Variants in ZNF609 observed in about 807,000 individuals in gnomAD.
The protein encoded by ZNF609 is zinc finger protein 609.
ZNF609 carries 11 observed loss-of-function variants against 109.5 expected under a neutral mutation model. That is an observed-to-expected ratio of 0.10 (90% CI 0.06 to 0.17). The LOEUF is 0.17. Among genes scored for constraint, ZNF609 ranks in the 10% least tolerant of loss-of-function variants. ZNF609 has a pLI of 1.00. For missense variants in ZNF609, 1,559 were observed against 1,772.4 expected (o/e 0.88, Z 2.16); for synonymous variants, 646 against 662.0 (o/e 0.98, Z 0.37).
chr15:64,631,426 C>G, intron 3 of ZNF609: 2 of 732,870 alleles, frequency 2.7e-6, no homozygotes, highest in Non-Finnish European at 5.0e-6. Context: ...CGTGGTAACA[C>G]TTGTGGGGCA....
intron 2 of ZNF609, among the ~76,000 whole-genome samples, chr15:64,514,194 T>C (rs938685601): frequency 1.3e-5 from 2 of 152,046 alleles, no homozygotes; most frequent in Non-Finnish European, 2.9e-5. Flanking sequence ...TTCAAATTGG[T>C]TTTTGTTCCT....
intron 2 of ZNF609, among the ~76,000 whole-genome samples, chr15:64,545,371 G>C (rs1249334233): frequency 6.6e-6 from 1 of 152,004 alleles, no homozygotes; most frequent in Admixed American, 6.6e-5. Flanking sequence ...GCTAATGTTT[G>C]TACTTTTTGT....
intron 1 of ZNF609, among the ~76,000 whole-genome samples, 171 bp downstream of exon 1, chr15:64,461,009 G>C (rs1892931532): frequency 8.4e-6 from 1 of 119,414 alleles, no homozygotes; most frequent in Non-Finnish European, 1.8e-5. Flanking sequence ...TGTGTAGGGG[G>C]GGTCGTTGCG....
chr15:64,527,421 A>C (rs1008736888), intron 2 of ZNF609, among the ~76,000 whole-genome samples: 1 of 151,392 alleles, frequency 6.6e-6, no homozygotes, highest in African/African-American at 2.4e-5. Flanking sequence ...TGTTAAGACC[A>C]GCCTTACACA....
In ZNF609 at chr15:64,576,906, ATGTATATATACATATATG is replaced by A. The variant is rs1187590965; in HGVS notation, c.748-45904_748-45887del. ...TACACATATAAATATATACATATAT[ATGTATATATACATATATG>A]TGTATATATACATATAAATATATAC... On this transcript the variant is annotated intron_variant, in intron 2 of 9. Transcript: ENST00000326648. Among the ~76,000 whole-genome samples the A allele has an allele frequency of 4.8e-4, 63 of 132,034 alleles. 1 individual carries two copies. The highest frequency in any genetic ancestry group is 1.4e-3 in the African/African-American group (55 of 38,160). 86.6% of individuals were successfully genotyped at this position (132,034 alleles called of 152,430 possible).
At chr15:64,536,436 C>T (rs906923020) in intron 2 of ZNF609, among the ~76,000 whole-genome samples, 6 of 152,280 alleles carry the variant, frequency 3.9e-5, no homozygotes, top group Non-Finnish European at 7.3e-5. Flanking sequence ...CCACTACTAA[C>T]CTTTCATCTT....
intron 2 of ZNF609, among the ~76,000 whole-genome samples, chr15:64,507,654 G>A (rs986416744): frequency 1.3e-5 from 2 of 152,144 alleles, no homozygotes; most frequent in Non-Finnish European, 2.9e-5. Flanking sequence ...AAAACCATGG[G>A]GTTAGGCTTT....
chr15:64,638,383 G>T (rs1896208913), intron 3 of ZNF609, among the ~76,000 whole-genome samples: 1 of 151,218 alleles, frequency 6.6e-6, no homozygotes, highest in African/African-American at 2.4e-5. Context: ...GGCTTTACTT[G>T]GCCTTTTGCA....
Position 64,651,036 on chromosome 15 carries a change from AAT to A in ZNF609, c.974-19308_974-19307del, listed in dbSNP as rs553785648. ...TGGAAATAGGAAGGATTTTTTTAGT[AAT>A]AGTTTTGAGGCAACTTTGTGAGGAG... On this transcript the variant is annotated intron_variant, in intron 3 of 9. Coordinates refer to ENST00000326648, the MANE Select transcript of ZNF609 (RefSeq NM_015042.2). Among the ~76,000 whole-genome samples, 11 of 152,266 alleles carry A rather than the reference AAT, an allele frequency of 7.2e-5. No individual in the cohort carries two copies. In the South Asian group the frequency reaches 2.3e-3, roughly 32 times the overall value.
At chr15:64,490,235 G>T (rs2140343813) in intron 1 of ZNF609, among the ~76,000 whole-genome samples, 1 of 150,138 alleles carries the variant, frequency 6.7e-6, no homozygotes, top group Admixed American at 6.6e-5. Context: ...AGTACTGGGA[G>T]TACAAAGGCA....
At chr15:64,656,548 A>G (rs937614339) in intron 3 of ZNF609, among the ~76,000 whole-genome samples, 4 of 152,152 alleles carry the variant, frequency 2.6e-5, no homozygotes, top group South Asian at 2.1e-4. Context: ...GCTTATCCCA[A>G]ATCCATTTAG....
In ZNF609 at chr15:64,685,682, C is replaced by T. The variant is rs1316098874; in HGVS notation, c.*3996C>T. 1 of 152,634 alleles carries T rather than the reference C, an allele frequency of 6.6e-6. No homozygotes were observed. The highest frequency in any genetic ancestry group is 1.5e-5 in the Non-Finnish European group (1 of 68,066). The allele number at this position is 152,634 out of a possible 1,614,324, so 9.5% of individuals were successfully genotyped here. On this transcript the variant is annotated 3_prime_UTR_variant, in exon 10 of 10. Coordinates refer to ENST00000326648, the MANE Select transcript of ZNF609 (RefSeq NM_015042.2). ...GCCTAAGAGTTTGCACTATTTAAAC[C>T]TGCCTGGGAGTTAGGACGGATGGTT... is the stretch of plus-strand genomic sequence containing the variant.
chr15:64,627,955 C>T (rs538917028), intron 3 of ZNF609, among the ~76,000 whole-genome samples: 1 of 151,192 alleles, frequency 6.6e-6, no homozygotes, highest in South Asian at 2.1e-4. Flanking sequence ...CCACCATGCC[C>T]AGCCTATCAG....
In ZNF609 at chr15:64,603,270, ATT is replaced by A. The variant is rs540033727; in HGVS notation, c.748-19541_748-19540del. ...TGACTTGAGTCAGTCACTGAGTCCT[ATT>A]TTTTTTTTTTTTTTTGAGATAGAGT... is the stretch of plus-strand genomic sequence containing the variant. On this transcript the variant is annotated intron_variant, in intron 2 of 9. Transcript: ENST00000326648. Among the ~76,000 whole-genome samples the A allele has an allele frequency of 6.1e-3, 765 of 125,744 alleles. 10 individuals carry two copies. The highest frequency in any genetic ancestry group is 0.021 in the African/African-American group (720 of 34,200). The allele number at this position is 125,744 out of a possible 152,430, so 82.5% of individuals were successfully genotyped here. A position where few individuals can be genotyped will look rare whatever the true frequency, so the allele number is the denominator to read the frequency against.
chr15:64,678,930 T>C (rs1483379738), intron 6 of ZNF609, among the ~76,000 whole-genome samples: 1 of 152,180 alleles, frequency 6.6e-6, no homozygotes, highest in East Asian at 1.9e-4. Flanking sequence ...ACAAATAAAA[T>C]GCAAACCATA....
At chr15:64,646,337 A>G (rs532827076) in intron 3 of ZNF609, among the ~76,000 whole-genome samples, 15 of 152,104 alleles carry the variant, frequency 9.9e-5, no homozygotes, top group African/African-American at 3.4e-4. Context: ...CTAGAAAAAA[A>G]TACAAAATGG....
rs78741712 is a variant in ZNF609, at chr15:64,543,865, C to A, written c.747+43699C>A. ...GTGTCATAGTATTTATCACACCATACAATATGATCGAATTCTTTTCCACCT... is the reference window on the plus strand; with the variant it reads ...GTGTCATAGTATTTATCACACCATAAAATATGATCGAATTCTTTTCCACCT... On this transcript the variant is annotated intron_variant, in intron 2 of 9. Transcript: ENST00000326648. Among the ~76,000 whole-genome samples the A allele has an allele frequency of 5.9e-3, 897 of 152,298 alleles. 5 individuals carry two copies. The highest frequency in any genetic ancestry group is 0.019 in the African/African-American group (795 of 41,578).
Position 64,499,822 on chromosome 15 carries a change from G to C in ZNF609, c.403G>C (p.Val135Leu), listed in dbSNP as rs1893535242. The change falls in exon 2 of 10, where the codon GTT becomes CTT. Residue 135 changes from valine to leucine, a missense_variant. Around this residue, in one of 4 missense-constraint regions of ZNF609, gnomAD observed 291 missense variants for 317.8 expected, o/e 0.92. Coordinates refer to ENST00000326648, the MANE Select transcript of ZNF609 (RefSeq NM_015042.2). The stretch of plus-strand genomic sequence containing the variant: ...AGATGGTGCCAATGCTGGAGGCCTG[G>C]TTGCTGCTATTGCTCCCAAGGGCTC... ...SGDGANAGGL[V>L]AAIAPKGSEK... The C allele has an allele frequency of 1.9e-6, 3 of 1,613,992 alleles. No homozygotes were observed. Among genetic ancestry groups the C allele is most frequent in the Non-Finnish European group, 2.5e-6 (3 of 1,180,028 alleles).
chr15:64,548,770 A>G (rs1894411766), intron 2 of ZNF609, among the ~76,000 whole-genome samples: 1 of 152,200 alleles, frequency 6.6e-6, no homozygotes, highest in Non-Finnish European at 1.5e-5. Context: ...TTTAAAAAAA[A>G]GAAAGAAAGA....
Sources: allele counts gnomAD v4.1 joint callset (sites outside exome capture counted in the v4.1 genomes callset), GRCh38; gene constraint gnomAD v4.1.1; regional missense constraint gnomAD v4.1.1; transcripts MANE v1.5; gene names NCBI Gene and HGNC (gene_info 2026-07-23, HGNC 2026-07-21).